The following IFT88 variants were observed in gnomAD, a reference collection of about 807,000 sequenced individuals.
The protein encoded by IFT88 is intraflagellar transport 88, also known as intraflagellar transport protein 88 homolog.
IFT88 carries 74 observed loss-of-function variants against 119.5 expected under a neutral mutation model. That is an observed-to-expected ratio of 0.62 (90% CI 0.51 to 0.75). The LOEUF is 0.75. Ranked by LOEUF, IFT88 falls within the 30% of genes least tolerant of loss-of-function variation. IFT88 has a pLI of 0.00. For synonymous variants in IFT88, 279 were observed against 316.7 expected, an observed-to-expected ratio of 0.88 and a Z score of 1.26; for missense variants, 961 against 977.7, an observed-to-expected ratio of 0.98 and a Z score of 0.23.
At chr13:20,664,764 A>C (rs114330905) in intron 23 of IFT88, among the ~76,000 whole-genome samples, 1,945 of 152,272 alleles carry the variant, frequency 0.013, 40 homozygotes, top group African/African-American at 0.045. Flanking sequence ...AAGGTAAACT[A>C]TTAAGAAGAA....
chr13:20,622,002 T>C (rs2046601598), intron 14 of IFT88, among the ~76,000 whole-genome samples: 1 of 152,240 alleles, frequency 6.6e-6, no homozygotes, highest in Non-Finnish European at 1.5e-5. Flanking sequence ...ATGTTGGCTT[T>C]GCTGATTGGC....
chr13:20,613,799 C>T (rs2045079271), intron 13 of IFT88, among the ~76,000 whole-genome samples: 1 of 151,878 alleles, frequency 6.6e-6, no homozygotes, highest in African/African-American at 2.4e-5. Context: ...AAAGTAATTG[C>T]GATTTTTCCC....
chr13:20,593,108 G>T (rs1347434361), intron 7 of IFT88, among the ~76,000 whole-genome samples: 2 of 152,110 alleles, frequency 1.3e-5, no homozygotes, highest in Non-Finnish European at 2.9e-5. Flanking sequence ...AAATTAATGT[G>T]TCATATTATT....
chr13:20,655,338 A>G (rs1384085158), intron 21 of IFT88, among the ~76,000 whole-genome samples: 1 of 151,288 alleles, frequency 6.6e-6, no homozygotes, highest in Non-Finnish European at 1.5e-5. Flanking sequence ...AGGCTGAGGC[A>G]GGAGAATCAC....
At chr13:20,607,605 A>G in intron 13 of IFT88, 1 of 763,464 alleles carries the variant, frequency 1.3e-6, no homozygotes, top group South Asian at 1.4e-5. Context: ...GCTGCTCAAC[A>G]TCTTGGGCTG....
intron 14 of IFT88, among the ~76,000 whole-genome samples, chr13:20,620,474 C>G (rs1160022595): frequency 6.6e-6 from 1 of 152,176 alleles, no homozygotes; most frequent in Non-Finnish European, 1.5e-5. Flanking sequence ...TGTGTTCCCC[C>G]AAAATTCATA....
chr13:20,569,095 T>A (rs554198455), intron 1 of IFT88, among the ~76,000 whole-genome samples: 1 of 152,214 alleles, frequency 6.6e-6, no homozygotes, highest in Non-Finnish European at 1.5e-5. Context: ...GTAGTTAATT[T>A]TCATCTTCAA....
intron 2 of IFT88, among the ~76,000 whole-genome samples, chr13:20,577,464 T>G (rs2037608677): frequency 1.3e-5 from 2 of 152,224 alleles, no homozygotes; most frequent in African/African-American, 2.4e-5. Context: ...GCTTTCAGTT[T>G]TTTTTCATTC....
At chr13:20,681,859 C>T (rs3969100) in intron 24 of IFT88, among the ~76,000 whole-genome samples, 51 of 152,106 alleles carry the variant, frequency 3.4e-4, no homozygotes, top group Non-Finnish European at 5.3e-4. Context: ...AAGTATAGGG[C>T]GTCTGGAAAA....
Position 20,643,591 on chromosome 13 carries a change from C to A in IFT88, c.1819C>A (p.Gln607Lys). ...TGAAGGAGATAAATCTCAAGCATTT[C>A]AATATTACTATGAGGTAGGTGTGTT... Reference protein sequence around the residue: ...DREGDKSQAFQYYYESYRYFP... With the variant: ...DREGDKSQAFKYYYESYRYFP... The change falls in exon 19 of 26, where the codon CAA becomes AAA. Residue 607 changes from glutamine to lysine, a missense_variant. Coordinates refer to ENST00000351808, the MANE Select transcript of IFT88 (RefSeq NM_006531.5). 1 of 1,600,236 alleles carries A rather than the reference C, an allele frequency of 6.2e-7. No individual in the cohort carries two copies. The highest frequency in any genetic ancestry group is 1.1e-5 in the South Asian group (1 of 89,138).
chr13:20,678,406 C>T (rs1484449153), intron 24 of IFT88, among the ~76,000 whole-genome samples: 1 of 152,174 alleles, frequency 6.6e-6, no homozygotes, highest in East Asian at 1.9e-4. Context: ...TGACAGTAAG[C>T]CAGTGCTAAG....
At chr13:20,599,143 G>A (rs2139034807) in intron 10 of IFT88, among the ~76,000 whole-genome samples, 1 of 152,026 alleles carries the variant, frequency 6.6e-6, no homozygotes, top group East Asian at 1.9e-4. Context: ...AATGTATGTG[G>A]CATTCTTGAG....
chr13:20,633,589 C>T (rs574664778), intron 16 of IFT88, among the ~76,000 whole-genome samples: 12 of 152,118 alleles, frequency 7.9e-5, no homozygotes, highest in Non-Finnish European at 1.2e-4. Flanking sequence ...TGACCCAATT[C>T]GTCACCAAAT....
At chr13:20,567,710 A>G (rs2035179180) in intron 1 of IFT88, 1 of 1,210,164 alleles carries the variant, frequency 8.3e-7, no homozygotes, top group Non-Finnish European at 1.0e-6. Context: ...TGAATCAGGA[A>G]TGAAGATAAA....
At chr13:20,679,442 A>C (rs1282807836) in intron 24 of IFT88, among the ~76,000 whole-genome samples, 1 of 152,250 alleles carries the variant, frequency 6.6e-6, no homozygotes, top group Non-Finnish European at 1.5e-5. Flanking sequence ...AGAGTGCCTC[A>C]AAATCTATCG....
At chr13:20,613,111 C>T (rs1251751612) in intron 13 of IFT88, among the ~76,000 whole-genome samples, 1 of 152,078 alleles carries the variant, frequency 6.6e-6, no homozygotes, top group Non-Finnish European at 1.5e-5. Flanking sequence ...AAATTAAAAA[C>T]TTATGTACTT....
At chr13:20,684,069 A>C (rs2057618981) in intron 24 of IFT88, among the ~76,000 whole-genome samples, 1 of 152,246 alleles carries the variant, frequency 6.6e-6, no homozygotes, top group South Asian at 2.1e-4. Context: ...CATATTGATT[A>C]ATAGCTGGTT....
At chr13:20,576,861 C>CT (rs1174958772) in intron 2 of IFT88, among the ~76,000 whole-genome samples, 2 of 152,146 alleles carry the variant, frequency 1.3e-5, no homozygotes, top group South Asian at 2.1e-4. Context: ...TTTTGTAGTT[C>CT]TATATAGACT....
intron 22 of IFT88, chr13:20,663,231 G>A (rs763566925): frequency 7.9e-5 from 111 of 1,403,058 alleles, no homozygotes; most frequent in Admixed American, 6.9e-5. Context: ...TAAGTTCTCT[G>A]CCAGCAGTGT....
Sources: allele counts gnomAD v4.1 joint callset (sites outside exome capture counted in the v4.1 genomes callset), GRCh38; gene constraint gnomAD v4.1.1; transcripts MANE v1.5; gene names NCBI Gene and HGNC (gene_info 2026-07-23, HGNC 2026-07-21).